The following PCDH9 variants were observed in gnomAD, a reference collection of about 807,000 sequenced individuals.
PCDH9 encodes the protein protocadherin-9.
A neutral mutation model predicts 70.6 loss-of-function variants in PCDH9; 24 were observed. That is an observed-to-expected ratio of 0.34 (90% CI 0.25 to 0.48). The LOEUF (loss-of-function observed/expected upper bound fraction) is 0.48. PCDH9 is among the 20% of genes least tolerant of loss of function. The probability of loss-of-function intolerance (pLI) is 0.99; values close to 1 mark genes in which losing one functional copy is unlikely to be tolerated. For missense variants in PCDH9, 1,281 were observed against 1,503.6 expected (o/e 0.85, Z 2.45); for synonymous variants, 562 against 558.5 (o/e 1.01, Z -0.09).
chr13:66,824,847 G>A (rs2139390519), intron 3 of PCDH9, among the ~76,000 whole-genome samples: 1 of 151,404 alleles, frequency 6.6e-6, no homozygotes, highest in African/African-American at 2.4e-5. Flanking sequence ...TTCCAGAAAT[G>A]TCCCTAGTGA....
At chr13:66,778,645 T>C (rs1487209142) in intron 3 of PCDH9, among the ~76,000 whole-genome samples, 1 of 152,232 alleles carries the variant, frequency 6.6e-6, no homozygotes, top group Non-Finnish European at 1.5e-5. Flanking sequence ...TTGTTTACTA[T>C]GTGCCTGACA....
chr13:66,919,639 T>A (rs1286573935), intron 2 of PCDH9, among the ~76,000 whole-genome samples: 1 of 151,104 alleles, frequency 6.6e-6, no homozygotes, highest in African/African-American at 2.4e-5. Flanking sequence ...TTCAGAGAGT[T>A]TGCACGGAGG....
At chr13:66,872,134 T>C (rs1181526506) in intron 3 of PCDH9, among the ~76,000 whole-genome samples, 1 of 152,176 alleles carries the variant, frequency 6.6e-6, no homozygotes, top group Admixed American at 6.6e-5. Flanking sequence ...TATGAAAGTA[T>C]ATGCCAAATC....
chr13:66,909,328 C>T (rs1334283970), intron 2 of PCDH9, among the ~76,000 whole-genome samples: 1 of 151,910 alleles, frequency 6.6e-6, no homozygotes, highest in Non-Finnish European at 1.5e-5. Context: ...ATCCCATGTT[C>T]ATAGATTGGA....
intron 3 of PCDH9, among the ~76,000 whole-genome samples, chr13:66,871,527 A>G (rs550398726): frequency 6.6e-6 from 1 of 152,234 alleles, no homozygotes; most frequent in African/African-American, 2.4e-5. Flanking sequence ...TAAGATGATC[A>G]TGATGGTCTA....
chr13:66,895,096 C>T (rs1242833267), intron 3 of PCDH9, among the ~76,000 whole-genome samples: 1 of 152,100 alleles, frequency 6.6e-6, no homozygotes, highest in South Asian at 2.1e-4. Flanking sequence ...GTATGAGCCA[C>T]CACGCCCGGC....
intron 4 of PCDH9, among the ~76,000 whole-genome samples, chr13:66,612,010 G>A (rs1045989991): frequency 5.9e-5 from 9 of 152,118 alleles, no homozygotes; most frequent in Non-Finnish European, 1.2e-4. Context: ...TGTTAAAAGT[G>A]TATTTTATGG....
At chr13:66,978,007 TTAAAACACTTTAAAGCCCTTTCG>T (rs1217471504) in intron 2 of PCDH9, among the ~76,000 whole-genome samples, 1 of 152,212 alleles carries the variant, frequency 6.6e-6, no homozygotes, top group Non-Finnish European at 1.5e-5. Flanking sequence ...GTTGTATCCC[TTAAAACACTTTAAAGCCCTTTCG>T]TAAGTGAAAA....
intron 3 of PCDH9, among the ~76,000 whole-genome samples, chr13:66,731,246 C>T (rs1162342350): frequency 1.3e-5 from 2 of 151,942 alleles, no homozygotes; most frequent in Non-Finnish European, 2.9e-5. Flanking sequence ...AATAAAATAA[C>T]TCACTAAGGA....
At chr13:66,747,365 C>G (rs1223678902) in intron 3 of PCDH9, among the ~76,000 whole-genome samples, 3 of 16,002 alleles carry the variant, frequency 1.9e-4, no homozygotes, top group African/African-American at 1.5e-4. Context: ...CAAAACAAAA[C>G]AAAACAAAAC....
chr13:66,507,601 GTC>G (rs575140307), intron 4 of PCDH9, among the ~76,000 whole-genome samples: 14 of 152,180 alleles, frequency 9.2e-5, no homozygotes, highest in African/African-American at 3.4e-4. Flanking sequence ...ATATAGTTGT[GTC>G]TCTGTCTGCC....
At chr13:67,022,850 T>C (rs2084705945) in intron 2 of PCDH9, among the ~76,000 whole-genome samples, 1 of 152,214 alleles carries the variant, frequency 6.6e-6, no homozygotes, top group Non-Finnish European at 1.5e-5. Flanking sequence ...TCCTCTCCTA[T>C]GCTGAGGCTT....
chr13:67,203,843 A>C (rs999608287), intron 2 of PCDH9: 2 of 152,122 alleles, frequency 1.3e-5, no homozygotes, highest in African/African-American at 4.8e-5. Flanking sequence ...TGCAATAATG[A>C]CAGTCAAGTT....
At chr13:67,118,680 C>T (rs1274629700) in intron 2 of PCDH9, among the ~76,000 whole-genome samples, 1 of 151,982 alleles carries the variant, frequency 6.6e-6, no homozygotes, top group Non-Finnish European at 1.5e-5. Flanking sequence ...CAGTTTTTTG[C>T]AAAGCAAGAA....
chr13:66,760,728 T>C lies in PCDH9; in HGVS notation c.3139-129317A>G, dbSNP rs193069756. Among the ~76,000 whole-genome samples the C allele has an allele frequency of 4.5e-3, 689 of 152,258 alleles. 6 individuals carry two copies. Among genetic ancestry groups the C allele is most frequent in the African/African-American group, 0.016 (663 of 41,548 alleles). ...AGGCAGAACAGAGTCATATTTCTCT[T>C]CTTGCAAAAGCGAATAGGAGAAATA... On this transcript the variant is annotated intron_variant, in intron 3 of 4. Transcript: ENST00000377865.
intron 3 of PCDH9, among the ~76,000 whole-genome samples, chr13:66,871,834 C>CT (rs1386150935): frequency 6.6e-6 from 1 of 152,054 alleles, no homozygotes; most frequent in African/African-American, 2.4e-5. Flanking sequence ...TTACCACCCC[C>CT]CCCTCAACAT....
chr13:66,970,599 C>T (rs1394291042), intron 2 of PCDH9, among the ~76,000 whole-genome samples: 2 of 145,658 alleles, frequency 1.4e-5, no homozygotes, highest in African/African-American at 5.1e-5. Context: ...TGCCACTGCA[C>T]TCAAGCCTAG....
At chr13:66,531,128 A>T (rs1416126286) in intron 4 of PCDH9, among the ~76,000 whole-genome samples, 11 of 150,596 alleles carry the variant, frequency 7.3e-5, no homozygotes, top group Admixed American at 6.6e-4. Context: ...TGTTTTAAAT[A>T]TTTTTTGTGT....
At chr13:67,062,224 A>G (rs552714516) in intron 2 of PCDH9, among the ~76,000 whole-genome samples, 54 of 152,284 alleles carry the variant, frequency 3.5e-4, no homozygotes, top group African/African-American at 1.3e-3. Flanking sequence ...AAGAAATTGG[A>G]GAGATTAGAT....
Sources: allele counts gnomAD v4.1 joint callset (sites outside exome capture counted in the v4.1 genomes callset), GRCh38; gene constraint gnomAD v4.1.1; transcripts MANE v1.5; gene names NCBI Gene and HGNC (gene_info 2026-07-23, HGNC 2026-07-21).